The following STARD13 variants were observed in gnomAD, a reference collection of about 807,000 sequenced individuals.
STARD13 encodes stAR-related lipid transfer protein 13.
In STARD13, 62 loss-of-function variants were observed where a neutral mutation model predicts 106.4. That is an observed-to-expected ratio of 0.58 (90% CI 0.48 to 0.72). STARD13 has a LOEUF of 0.72. STARD13 is among the 30% of genes least tolerant of loss of function. The pLI, the probability that STARD13 is intolerant of heterozygous loss-of-function variation, is 0.00. For synonymous variants in STARD13, 565 were observed against 553.0 expected, an observed-to-expected ratio of 1.02 and a Z score of -0.31; for missense variants, 1,387 against 1,424.0, an observed-to-expected ratio of 0.97 and a Z score of 0.42.
chr13:33,335,008 G>A (rs117794425), intron 1 of STARD13: 1,935 of 152,484 alleles, frequency 0.013, 16 homozygotes, highest in Non-Finnish European at 0.02. Context: ...GACTGACCTG[G>A]ACAGGATAGA....
chr13:33,224,084 A>T (rs1461629931), intron 1 of STARD13, among the ~76,000 whole-genome samples: 1 of 152,154 alleles, frequency 6.6e-6, no homozygotes, highest in Non-Finnish European at 1.5e-5. Context: ...GAATTGGGTG[A>T]CCCAAAACAG....
chr13:33,441,819 A>T, the STARD13 span, among the ~76,000 whole-genome samples: 3,163 of 152,256 alleles, frequency 0.021, 58 homozygotes, highest in Non-Finnish European at 0.034. Context: ...CCCGGGAAAA[A>T]GCAAATCCAC....
chr13:33,535,230 A>T, the STARD13 span, among the ~76,000 whole-genome samples: 5 of 152,180 alleles, frequency 3.3e-5, no homozygotes, highest in African/African-American at 1.2e-4. Context: ...AGAAAAAAAA[A>T]GGAGAACCAA....
rs1458808906 is a variant in STARD13, at chr13:33,104,538, G to A, written c.*1055C>T. The A allele has an allele frequency of 6.6e-6, 1 of 152,576 alleles. No individual in the cohort carries two copies. Among genetic ancestry groups the A allele is most frequent in the Non-Finnish European group, 1.5e-5 (1 of 68,030 alleles). 9.5% of individuals were successfully genotyped at this position (152,576 alleles called of 1,614,324 possible). A position where few individuals can be genotyped will look rare whatever the true frequency, so the allele number is the denominator to read the frequency against. ...AACGATCTAGGATTTGAACGGAATG[G>A]CCATCATCTCCCTTTGTATGGTGTC... On this transcript the variant is annotated 3_prime_UTR_variant, in exon 14 of 14. Transcript: ENST00000336934.
chr13:33,178,247 T>C (rs952059705), intron 1 of STARD13, among the ~76,000 whole-genome samples: 6 of 152,242 alleles, frequency 3.9e-5, no homozygotes, highest in Non-Finnish European at 8.8e-5. Context: ...TGTCAACAGA[T>C]GTCCTTCTCA....
intron 1 of STARD13, among the ~76,000 whole-genome samples, chr13:33,251,630 C>T (rs940829475): frequency 6.6e-6 from 1 of 152,166 alleles, no homozygotes; most frequent in Non-Finnish European, 1.5e-5. Context: ...TAAGTGGATG[C>T]ACATGTTTGC....
chr13:33,268,046 G>C (rs370368441), intron 1 of STARD13, among the ~76,000 whole-genome samples: 1 of 152,156 alleles, frequency 6.6e-6, no homozygotes, highest in East Asian at 1.9e-4. Context: ...TTAAGAGTAG[G>C]CATTATCAAA....
At chr13:33,592,055 A>G in the STARD13 span, among the ~76,000 whole-genome samples, 1 of 152,184 alleles carries the variant, frequency 6.6e-6, no homozygotes, top group Non-Finnish European at 1.5e-5. Context: ...GAATCATAGG[A>G]AGCTGAAATC....
At position 33,205,497 on chromosome 13, in the gene STARD13, T is replaced by C. The variant is rs563150792; in HGVS notation, c.170-37875A>G. ...GGAAAGATACAAATAATTTTGCCCA[T>C]TGTTATAAATAGAGAGAGAAGGAAG... is the stretch of plus-strand genomic sequence containing the variant. On this transcript the variant is annotated intron_variant, in intron 1 of 13. Transcript: ENST00000336934. 5.3e-5 allele frequency among the ~76,000 whole-genome samples: 8 copies of C among 152,272 alleles called. 1 individual carries two copies. The East Asian group carries it at 1.5e-3, about 29-fold the overall frequency.
At chr13:33,541,864 G>T in the STARD13 span, among the ~76,000 whole-genome samples, 3 of 152,144 alleles carry the variant, frequency 2.0e-5, no homozygotes, top group African/African-American at 7.2e-5. Flanking sequence ...TTGTTTCCTT[G>T]CAGCATCTAA....
At chr13:33,523,884 T>C in the STARD13 span, among the ~76,000 whole-genome samples, 1 of 152,136 alleles carries the variant, frequency 6.6e-6, no homozygotes, top group East Asian at 1.9e-4. Flanking sequence ...ACAGGGAGAC[T>C]TTTAAACATA....
intron 1 of STARD13, among the ~76,000 whole-genome samples, chr13:33,327,505 G>A (rs779609429): frequency 1.3e-5 from 2 of 152,174 alleles, no homozygotes; most frequent in Non-Finnish European, 2.9e-5. Context: ...AAGTAGCTGG[G>A]ACTACAGGCA....
At chr13:33,255,931 G>C (rs180803867) in intron 1 of STARD13, among the ~76,000 whole-genome samples, 35 of 152,224 alleles carry the variant, frequency 2.3e-4, no homozygotes, top group Non-Finnish European at 4.1e-4. Context: ...CTCTTCATAA[G>C]CACTAAAGAA....
chr13:33,217,010 C>T (rs1450385800), intron 1 of STARD13, among the ~76,000 whole-genome samples: 2 of 152,086 alleles, frequency 1.3e-5, no homozygotes. Flanking sequence ...AGTAAAAATG[C>T]TATATAACTG....
chr13:33,260,888 A>T (rs1013530164), intron 1 of STARD13, among the ~76,000 whole-genome samples: 6 of 152,222 alleles, frequency 3.9e-5, no homozygotes, highest in African/African-American at 1.4e-4. Context: ...GTTCAAGAAG[A>T]GTTAACACTT....
At chr13:33,347,187 T>A (rs1594291183), downstream of STARD13, among the ~76,000 whole-genome samples, 1 of 152,234 alleles carries the variant, frequency 6.6e-6, no homozygotes, top group East Asian at 1.9e-4. Flanking sequence ...CTGGACTGCA[T>A]ATATGACAGT....
the STARD13 span, among the ~76,000 whole-genome samples, chr13:33,585,191 G>A: frequency 6.6e-6 from 1 of 152,106 alleles, no homozygotes; most frequent in South Asian, 2.1e-4. Flanking sequence ...AGTGTAAAAT[G>A]GTACAATCAC....
At chr13:33,517,003 T>G in the STARD13 span, among the ~76,000 whole-genome samples, 5 of 151,938 alleles carry the variant, frequency 3.3e-5, no homozygotes, top group African/African-American at 1.2e-4. Flanking sequence ...TTTTGTGTGT[T>G]GATTACATGT....
the STARD13 span, among the ~76,000 whole-genome samples, chr13:33,669,753 C>G: frequency 6.6e-6 from 1 of 152,010 alleles, no homozygotes; most frequent in South Asian, 2.1e-4. Context: ...CTAGGCTGAT[C>G]TTGAACTCCT....
Sources: gnomAD v4.1 joint callset for allele counts (sites outside exome capture counted in the v4.1 genomes callset) on GRCh38, gnomAD v4.1.1 for gene constraint, MANE v1.5 for transcripts, NCBI Gene and HGNC (gene_info 2026-07-23, HGNC 2026-07-21) for gene names.